Variants in IQSEC1 observed in about 807,000 individuals in gnomAD.
IQSEC1 encodes the protein IQ motif and SEC7 domain-containing protein 1.
In IQSEC1, 31 loss-of-function variants were observed where a neutral mutation model predicts 91.0. The observed-to-expected ratio is 0.34, with a 90% confidence interval of 0.26 to 0.46. The LOEUF (loss-of-function observed/expected upper bound fraction) is 0.46. Ranked by LOEUF, IQSEC1 falls within the 20% of genes least tolerant of loss-of-function variation. IQSEC1 has a pLI of 1.00. For synonymous variants in IQSEC1, 699 were observed against 662.6 expected (o/e 1.05, Z -0.84); for missense variants, 1,388 against 1,575.6 (o/e 0.88, Z 2.02).
intron 1 of IQSEC1, among the ~76,000 whole-genome samples, chr3:13,216,694 G>A (rs1453522333): frequency 6.6e-6 from 1 of 152,200 alleles, no homozygotes; most frequent in Non-Finnish European, 1.5e-5. Flanking sequence ...AGTGAGAGAG[G>A]GCATCCCTCC....
At chr3:13,049,632 C>T (rs762355444) in intron 1 of IQSEC1, among the ~76,000 whole-genome samples, 29 of 152,206 alleles carry the variant, frequency 1.9e-4, no homozygotes, top group Non-Finnish European at 3.8e-4. Flanking sequence ...AATGTCAACC[C>T]CTTTCTCTGT....
At chr3:13,053,040 C>A in intron 1 of IQSEC1, 1 of 1,125,972 alleles carries the variant, frequency 8.9e-7, no homozygotes, top group East Asian at 2.4e-5. Context: ...AGTTTTCATC[C>A]GAATCCACGG....
At position 12,970,839 on chromosome 3, in the gene IQSEC1, T is replaced by C. The variant is rs1559686560; in HGVS notation, c.24-28974A>G. On this transcript the variant is annotated intron_variant, in intron 1 of 13. Coordinates refer to ENST00000613206, the MANE Select transcript of IQSEC1 (RefSeq NM_001134382.3). The surrounding 1 kb of genome is among the most constrained non-coding windows in gnomAD (Gnocchi z 4.4). ...AGGTTACTCTGCACCTGCTTGCTTA[T>C]ACCAGTGAGCTGTATTCCAACTGCC... is the stretch of plus-strand genomic sequence containing the variant. 6.6e-6 allele frequency among the ~76,000 whole-genome samples: 1 copy of C among 152,234 alleles called. No individual in the cohort carries two copies. The highest frequency in any genetic ancestry group is 1.5e-5 in the Non-Finnish European group (1 of 68,040).
intron 1 of IQSEC1, among the ~76,000 whole-genome samples, chr3:12,943,410 G>A (rs1051684234): frequency 6.6e-6 from 1 of 152,154 alleles, no homozygotes; most frequent in Non-Finnish European, 1.5e-5. Flanking sequence ...AGTGTAGGAC[G>A]AGCAGGGAAG....
intron 1 of IQSEC1, among the ~76,000 whole-genome samples, chr3:12,982,747 GC>G (rs1246761958): frequency 6.6e-6 from 1 of 152,234 alleles, no homozygotes; most frequent in African/African-American, 2.4e-5. Context: ...ACAGCTTGCA[GC>G]CCCTAGTACT....
At chr3:13,204,280 G>C (rs1694300037) in intron 1 of IQSEC1, among the ~76,000 whole-genome samples, 1 of 152,284 alleles carries the variant, frequency 6.6e-6, no homozygotes, top group Admixed American at 6.5e-5. Context: ...CCAGCGCCAG[G>C]ACGGGGGTGG....
intron 1 of IQSEC1, among the ~76,000 whole-genome samples, chr3:13,055,833 C>T (rs909581841): frequency 4.6e-5 from 7 of 152,174 alleles, no homozygotes; most frequent in South Asian, 4.2e-4. Flanking sequence ...AACATCCTGG[C>T]GGAGGGGCCC....
intron 1 of IQSEC1, among the ~76,000 whole-genome samples, chr3:13,036,672 C>T (rs1232756261): frequency 1.3e-5 from 2 of 152,150 alleles, no homozygotes; most frequent in African/African-American, 4.8e-5. Context: ...GCCCAGGAAG[C>T]TCGGCCAGCT....
intron 1 of IQSEC1, among the ~76,000 whole-genome samples, chr3:12,969,643 T>C (rs1037226347): frequency 6.6e-6 from 1 of 152,110 alleles, no homozygotes; most frequent in Non-Finnish European, 1.5e-5. Flanking sequence ...GCCAAAATAA[T>C]TCCCCCAGCC....
intron 1 of IQSEC1, among the ~76,000 whole-genome samples, chr3:13,279,826 T>G (rs1353838639): frequency 6.6e-6 from 1 of 152,128 alleles, no homozygotes; most frequent in Non-Finnish European, 1.5e-5. Flanking sequence ...GCTGTGGCCT[T>G]GCATGGCCCT....
At chr3:12,939,188 G>A (rs960693357) in intron 2 of IQSEC1, among the ~76,000 whole-genome samples, 1 of 152,232 alleles carries the variant, frequency 6.6e-6, no homozygotes, top group Non-Finnish European at 1.5e-5. Context: ...TCAGCGGAGG[G>A]AAGCCGCTGC....
At position 13,171,921 on chromosome 3, in the gene IQSEC1, G is replaced by C. The variant is rs1232933068; in HGVS notation, c.273-7788C>G. On this transcript the variant is annotated intron_variant, in intron 1 of 15. Coordinates refer to the IQSEC1 transcript ENST00000648114. Reference sequence around the variant, plus strand: ...AGGGTCAGGGGTGGCAATCCGAGAGGCTTCTGGGAGGCGAGCTGAGGGGCA... The same window carrying C: ...AGGGTCAGGGGTGGCAATCCGAGAGCCTTCTGGGAGGCGAGCTGAGGGGCA... 3.9e-5 allele frequency among the ~76,000 whole-genome samples: 6 copies of C among 152,112 alleles called. No homozygotes were observed. The East Asian group carries it at 1.2e-3, about 29-fold the overall frequency.
intron 2 of IQSEC1, among the ~76,000 whole-genome samples, chr3:13,133,043 A>G (rs1343997116): frequency 1.3e-5 from 2 of 152,258 alleles, no homozygotes; most frequent in Non-Finnish European, 2.9e-5. Context: ...CATGGCCTGA[A>G]TGAACCTGAA....
At chr3:13,118,447 G>A (rs1418263157) in intron 2 of IQSEC1, among the ~76,000 whole-genome samples, 9 of 152,150 alleles carry the variant, frequency 5.9e-5, no homozygotes, top group Non-Finnish European at 1.2e-4. Flanking sequence ...GACAAATTTC[G>A]TCCATATATA....
rs189274075 is a variant in IQSEC1, at chr3:13,014,446, C to T, written c.23+58546G>A. Among the ~76,000 whole-genome samples the T allele has an allele frequency of 6.9e-4, 105 of 152,352 alleles. 2 individuals are homozygous for T. Among genetic ancestry groups the T allele is most frequent in the Middle Eastern group, 3.4e-3 (1 of 294 alleles). ...CTGGGATTTGAGACAGAGTGACTGA[C>T]CCCTCAGGGCACTGAGCAGCCTTCT... On this transcript the variant is annotated intron_variant, in intron 1 of 13. Transcript: ENST00000613206.
At chr3:13,039,619 T>C (rs1327286508) in intron 1 of IQSEC1, among the ~76,000 whole-genome samples, 1 of 152,102 alleles carries the variant, frequency 6.6e-6, no homozygotes, top group Admixed American at 6.6e-5. Context: ...ACCCTTGAAA[T>C]CCCCACACAA....
chr3:12,951,106 G>C (rs1442729217), intron 1 of IQSEC1, among the ~76,000 whole-genome samples: 1 of 152,102 alleles, frequency 6.6e-6, no homozygotes, highest in Non-Finnish European at 1.5e-5. Flanking sequence ...ACAAGACCCT[G>C]CCTCTAAAAA....
At chr3:13,012,051 T>C (rs1392007735) in intron 1 of IQSEC1, among the ~76,000 whole-genome samples, 1 of 152,176 alleles carries the variant, frequency 6.6e-6, no homozygotes, top group Non-Finnish European at 1.5e-5. Flanking sequence ...GTGGCCAGAA[T>C]GAGGCAACAT....
chr3:13,153,308 A>G (rs1707030809), intron 2 of IQSEC1, among the ~76,000 whole-genome samples: 1 of 152,162 alleles, frequency 6.6e-6, no homozygotes, highest in Non-Finnish European at 1.5e-5. Context: ...CCTTTAGAAC[A>G]AAACTCCAAG....
Sources: allele counts gnomAD v4.1 joint callset (sites outside exome capture counted in the v4.1 genomes callset), GRCh38; gene constraint gnomAD v4.1.1; non-coding constraint Gnocchi (gnomAD v3.1); transcripts MANE v1.5; gene names NCBI Gene and HGNC (gene_info 2026-07-23, HGNC 2026-07-21).